COG5: variants seen among roughly 807,000 people sequenced by gnomAD.
COG5 encodes component of oligomeric golgi complex 5, also known as conserved oligomeric Golgi complex subunit 5.
A neutral mutation model predicts 110.4 loss-of-function variants in COG5; 86 were observed. That is an observed-to-expected ratio of 0.78 (90% CI 0.65 to 0.93). The LOEUF (loss-of-function observed/expected upper bound fraction) is 0.93, where lower values mean the gene tolerates loss of function less well. Among genes scored for constraint, COG5 ranks in the 40% least tolerant of loss-of-function variants. The pLI is 0.00. For synonymous variants in COG5, 360 were observed against 334.6 expected, an observed-to-expected ratio of 1.08 and a Z score of -0.83; for missense variants, 1,077 against 987.0, an observed-to-expected ratio of 1.09 and a Z score of -1.22.
chr7:107,547,758 G>A (rs1031893091), intron 5 of COG5, among the ~76,000 whole-genome samples: 1 of 150,190 alleles, frequency 6.7e-6, no homozygotes, highest in Non-Finnish European at 1.5e-5. Flanking sequence ...GAAATAATCA[G>A]AAAAACAATC....
At chr7:107,383,625 G>T (rs1341653623) in intron 7 of COG5, among the ~76,000 whole-genome samples, 1 of 152,098 alleles carries the variant, frequency 6.6e-6, no homozygotes, top group Non-Finnish European at 1.5e-5. Flanking sequence ...AAGAGGGAAA[G>T]AGGACACTCT....
chr7:107,508,371 A>G (rs1799201004), intron 6 of COG5, among the ~76,000 whole-genome samples: 1 of 152,158 alleles, frequency 6.6e-6, no homozygotes, highest in African/African-American at 2.4e-5. Flanking sequence ...TAGGTAAACA[A>G]AGCAGCCCCG....
chr7:107,397,027 T>C (rs553401965), intron 7 of COG5, among the ~76,000 whole-genome samples: 1 of 152,364 alleles, frequency 6.6e-6, no homozygotes, highest in East Asian at 1.9e-4. Context: ...TCTTCTTTTT[T>C]CTTGATAAAA....
At position 107,203,646 on chromosome 7, in the gene COG5, A is replaced by AAAAC; in HGVS notation, c.2376-20_2376-17dup. On this transcript the variant is annotated splice_polypyrimidine_tract_variant and intron_variant, in intron 21 of 21. Coordinates refer to ENST00000297135, the MANE Select transcript of COG5 (RefSeq NM_006348.5). ...CAGGGCTCCCCTGAAAACCAAAATGAAAACAATGTCAAAATATTAGATAAA... is the reference window on the plus strand; with the variant it reads ...CAGGGCTCCCCTGAAAACCAAAATGAAAACAAACAATGTCAAAATATTAGATAAA... The AAAAC allele has an allele frequency of 4.7e-6, 7 of 1,483,668 alleles. No individual in the cohort carries two copies. The highest frequency in any genetic ancestry group is 6.6e-6 in the Non-Finnish European group (7 of 1,061,290). The allele number at this position is 1,483,668 out of a possible 1,614,324, so 91.9% of individuals were successfully genotyped here.
At chr7:107,470,999 AT>A (rs1796601132) in intron 6 of COG5, among the ~76,000 whole-genome samples, 1 of 151,980 alleles carries the variant, frequency 6.6e-6, no homozygotes, top group African/African-American at 2.4e-5. Flanking sequence ...AGAGCAAAAA[AT>A]GTTGTTAAAT....
intron 14 of COG5, among the ~76,000 whole-genome samples, chr7:107,266,047 AAAT>A (rs887566869): frequency 2.8e-4 from 42 of 152,220 alleles, no homozygotes; most frequent in African/African-American, 8.9e-4. Flanking sequence ...CCCTGTCTCC[AAAT>A]AATAATAACA....
intron 2 of COG5, among the ~76,000 whole-genome samples, chr7:107,556,788 G>C (rs1460545275): frequency 8.0e-6 from 1 of 125,778 alleles, no homozygotes; most frequent in Non-Finnish European, 1.7e-5. Context: ...TTTTTTTTTT[G>C]AGACGGAGTC....
intron 6 of COG5, among the ~76,000 whole-genome samples, chr7:107,519,047 C>G (rs909779356): frequency 6.6e-6 from 1 of 152,172 alleles, no homozygotes; most frequent in Non-Finnish European, 1.5e-5. Flanking sequence ...TCCTAAATGA[C>G]TCCTGGGTAA....
rs191468955 is a variant in COG5, at chr7:107,320,004, A to C, written c.1108+4436T>G. Reference sequence around the variant, plus strand: ...AAAACAACAACAACAAAAAAAACTGAAAAGTATAATTCTTTAGAAAAGAGT... The same window carrying C: ...AAAACAACAACAACAAAAAAAACTGCAAAGTATAATTCTTTAGAAAAGAGT... On this transcript the variant is annotated intron_variant, in intron 11 of 21. Transcript: ENST00000297135. 1.4e-3 allele frequency among the ~76,000 whole-genome samples: 219 copies of C among 152,304 alleles called. 1 individual carries two copies. The highest frequency in any genetic ancestry group is 8.7e-4 in the Non-Finnish European group (59 of 68,018).
intron 14 of COG5, among the ~76,000 whole-genome samples, chr7:107,268,015 C>T (rs1228877351): frequency 6.6e-6 from 1 of 152,214 alleles, no homozygotes; most frequent in East Asian, 1.9e-4. Context: ...GTTGCCCAGG[C>T]TGAAGTGCAA....
intron 6 of COG5, among the ~76,000 whole-genome samples, chr7:107,517,216 G>A (rs746422295): frequency 9.2e-5 from 14 of 151,814 alleles, no homozygotes; most frequent in Admixed American, 1.3e-4. Flanking sequence ...ATCAACAGCC[G>A]AATAGATCAA....
chr7:107,550,071 AC>A (rs145948552), intron 3 of COG5, among the ~76,000 whole-genome samples: 2 of 151,744 alleles, frequency 1.3e-5, no homozygotes, highest in African/African-American at 4.8e-5. Flanking sequence ...TTTATGCCCT[AC>A]CCCCCAACCT....
intron 10 of COG5, among the ~76,000 whole-genome samples, chr7:107,326,516 G>T (rs903095665): frequency 6.6e-6 from 1 of 151,796 alleles, no homozygotes; most frequent in African/African-American, 2.4e-5. Flanking sequence ...CAATGAAATA[G>T]CCAGAAAAAA....
intron 15 of COG5, among the ~76,000 whole-genome samples, chr7:107,257,588 T>C (rs1802979836): frequency 6.6e-6 from 1 of 152,068 alleles, no homozygotes; most frequent in Non-Finnish European, 1.5e-5. Flanking sequence ...ATTATTATCT[T>C]CCCATTTATA....
chr7:107,511,094 A>G (rs539418423), intron 6 of COG5, among the ~76,000 whole-genome samples: 3 of 148,608 alleles, frequency 2.0e-5, no homozygotes, highest in Admixed American at 6.8e-5. Context: ...CAAAAAATTA[A>G]TGAATCCAGG....
At chr7:107,441,097 C>CA (rs1175211661) in intron 6 of COG5, among the ~76,000 whole-genome samples, 2 of 150,030 alleles carry the variant, frequency 1.3e-5, no homozygotes, top group African/African-American at 2.5e-5. Flanking sequence ...ACTAAAAATA[C>CA]AAAAAAAATT....
At chr7:107,417,278 A>C (rs1341829689) in intron 6 of COG5, among the ~76,000 whole-genome samples, 2 of 152,176 alleles carry the variant, frequency 1.3e-5, no homozygotes, top group South Asian at 2.1e-4. Flanking sequence ...TATTCTTTTT[A>C]AATCTATCCT....
chr7:107,442,801 C>G (rs1440480707), intron 6 of COG5, among the ~76,000 whole-genome samples: 1 of 151,904 alleles, frequency 6.6e-6, no homozygotes, highest in African/African-American at 2.4e-5. Flanking sequence ...ATTTTAAAAG[C>G]TGGAAAAAGA....
intron 6 of COG5, among the ~76,000 whole-genome samples, chr7:107,448,868 A>G (rs2129091785): frequency 6.6e-6 from 1 of 152,240 alleles, no homozygotes; most frequent in Admixed American, 6.5e-5. Flanking sequence ...TAAGAAAAAT[A>G]TATGTCATGA....
Sources: gnomAD v4.1 joint callset for allele counts (sites outside exome capture counted in the v4.1 genomes callset) on GRCh38, gnomAD v4.1.1 for gene constraint, MANE v1.5 for transcripts, NCBI Gene and HGNC (gene_info 2026-07-23, HGNC 2026-07-21) for gene names.